FGF12: variants seen among roughly 807,000 people sequenced by gnomAD.
The protein encoded by FGF12 is fibroblast growth factor 12B.
Under a neutral mutation model 23.6 loss-of-function variants are expected in FGF12, and 14 were observed. The observed-to-expected ratio is 0.59, with a 90% CI of 0.39 to 0.93. The LOEUF (loss-of-function observed/expected upper bound fraction) is 0.93, where lower values mean the gene tolerates loss of function less well. Among genes scored for constraint, FGF12 ranks in the 40% least tolerant of loss-of-function variants. The pLI, the probability that FGF12 is intolerant of heterozygous loss-of-function variation, is 0.00. For synonymous variants in FGF12, 62 were observed against 77.3 expected (o/e 0.80, Z 1.04); for missense variants, 175 against 217.8 (o/e 0.80, Z 1.24).
chr3:192,430,164 T>C (rs1165842706), intron 2 of FGF12, among the ~76,000 whole-genome samples: 1 of 152,054 alleles, frequency 6.6e-6, no homozygotes, highest in African/African-American at 2.4e-5. Flanking sequence ...AAATGTGGTA[T>C]GTACCAACAA....
chr3:192,471,195 T>A (rs2108813674), intron 2 of FGF12, among the ~76,000 whole-genome samples: 1 of 152,302 alleles, frequency 6.6e-6, no homozygotes, highest in South Asian at 2.1e-4. Flanking sequence ...GTTGCAGACA[T>A]GTACTTCTTG....
chr3:192,408,251 A>G lies in FGF12; in HGVS notation c.14-47713T>C, dbSNP rs1322638975. 1 of 1,568,792 alleles carries G rather than the reference A, an allele frequency of 6.4e-7. No individual in the cohort carries two copies. The highest frequency in any genetic ancestry group is 8.6e-7 in the Non-Finnish European group (1 of 1,161,494). On this transcript the variant is annotated intron_variant, in intron 2 of 5. Coordinates refer to ENST00000445105, the MANE Select transcript of FGF12 (RefSeq NM_004113.6). This position sits in a 1 kb window ranked among gnomAD's most constrained non-coding sequence, Gnocchi z 7.3. ...CTGCTCAGCGAGGGCCTCAGGCCCCAGCCTCTACTGCGCCCTCCGGCTTGC... is the reference window on the plus strand; with the variant it reads ...CTGCTCAGCGAGGGCCTCAGGCCCCGGCCTCTACTGCGCCCTCCGGCTTGC...
At chr3:192,305,160 G>A (rs186638443) in intron 4 of FGF12, among the ~76,000 whole-genome samples, 1 of 152,180 alleles carries the variant, frequency 6.6e-6, no homozygotes, top group African/African-American at 2.4e-5. Flanking sequence ...TATCAAAGAT[G>A]TTTGACTACT....
At position 192,142,897 on chromosome 3, in the gene FGF12, AT is replaced by A. The variant is rs1442608289; in HGVS notation, c.*1111del. ...TTTCACAGTCATGTCTCCAAATTTCATGGCAGAGTTTAAAAAACAATATAAG... is the reference window on the plus strand; with the variant it reads ...TTTCACAGTCATGTCTCCAAATTTCAGGCAGAGTTTAAAAAACAATATAAG... On this transcript the variant is annotated 3_prime_UTR_variant, in exon 6 of 6. Coordinates refer to ENST00000445105, the MANE Select transcript of FGF12 (RefSeq NM_004113.6). The A allele has an allele frequency of 6.6e-6, 1 of 152,148 alleles. No individual in the cohort carries two copies. Among genetic ancestry groups the A allele is most frequent in the African/African-American group, 2.4e-5 (1 of 41,444 alleles). The allele number at this position is 152,148 out of a possible 1,614,324, so 9.4% of individuals were successfully genotyped here.
rs889443765 is a variant in FGF12, at chr3:192,310,870, C to T, written c.228+24491G>A. Among the ~76,000 whole-genome samples, 6 of 152,258 alleles carry T rather than the reference C, an allele frequency of 3.9e-5. 1 individual carries two copies. Among genetic ancestry groups the T allele is most frequent in the Admixed American group, 3.9e-4 (6 of 15,294 alleles). ...TCATTGTGTTTACAGTTGTAAGACA[C>T]AGCTTCACAACGAAAACATGGATTC... is the stretch of plus-strand genomic sequence containing the variant. On this transcript the variant is annotated intron_variant, in intron 4 of 5. Transcript: ENST00000445105.
At chr3:192,378,464 A>G (rs919919463) in intron 2 of FGF12, among the ~76,000 whole-genome samples, 1 of 152,092 alleles carries the variant, frequency 6.6e-6, no homozygotes, top group African/African-American at 2.4e-5. Context: ...AGACACAACT[A>G]CTTTTGTAAC....
intron 3 of FGF12, among the ~76,000 whole-genome samples, chr3:192,343,160 A>T (rs1365359563): frequency 6.6e-6 from 1 of 152,210 alleles, no homozygotes; most frequent in Non-Finnish European, 1.5e-5. Flanking sequence ...GTATTTAGAA[A>T]TTCTAGATCT....
intron 2 of FGF12, among the ~76,000 whole-genome samples, chr3:192,397,592 T>C (rs1258708021): frequency 1.3e-5 from 2 of 152,220 alleles, no homozygotes; most frequent in South Asian, 2.1e-4. Context: ...TCCATAGAAT[T>C]TGAGATCCTC....
intron 2 of FGF12, among the ~76,000 whole-genome samples, chr3:192,425,379 T>C (rs1482617183): frequency 6.6e-6 from 1 of 151,958 alleles, no homozygotes; most frequent in Non-Finnish European, 1.5e-5. Context: ...ACTGCCCACT[T>C]AAGGAAAAGT....
chr3:192,641,878 C>G (rs545349004), intron 2 of FGF12, among the ~76,000 whole-genome samples: 20 of 152,330 alleles, frequency 1.3e-4, no homozygotes, highest in African/African-American at 4.1e-4. Flanking sequence ...TGAGTAGTGG[C>G]AACAGAGACC....
At chr3:192,324,933 G>A (rs1301959700) in intron 4 of FGF12, among the ~76,000 whole-genome samples, 3 of 151,952 alleles carry the variant, frequency 2.0e-5, no homozygotes, top group Non-Finnish European at 4.4e-5. Flanking sequence ...TCCAATTAAG[G>A]TTAGCCCTGG....
At chr3:192,384,785 A>G (rs1719974329) in intron 2 of FGF12, among the ~76,000 whole-genome samples, 1 of 152,174 alleles carries the variant, frequency 6.6e-6, no homozygotes, top group African/African-American at 2.4e-5. Context: ...TGTTTGCATG[A>G]GTGACACATC....
intron 2 of FGF12, among the ~76,000 whole-genome samples, chr3:192,450,494 G>A (rs1425757516): frequency 6.6e-6 from 1 of 152,166 alleles, no homozygotes; most frequent in Non-Finnish European, 1.5e-5. Context: ...ACAGGATACT[G>A]AGTAGATTAA....
At chr3:192,319,594 C>CAAATAAATAAATAAATAAATAAAT (rs556846919) in intron 4 of FGF12, among the ~76,000 whole-genome samples, 1 of 151,350 alleles carries the variant, frequency 6.6e-6, no homozygotes, top group African/African-American at 2.4e-5. Context: ...AAGACTGTCT[C>CAAATAAATAAATAAATAAATAAAT]AAATAAATAA....
intron 2 of FGF12, among the ~76,000 whole-genome samples, chr3:192,442,855 T>A (rs1451595225): frequency 6.6e-6 from 1 of 151,350 alleles, no homozygotes; most frequent in Non-Finnish European, 1.5e-5. Context: ...TCACCCAGGA[T>A]GGAGTGCAGT....
intron 2 of FGF12, among the ~76,000 whole-genome samples, chr3:192,484,106 C>A (rs1302664513): frequency 6.6e-6 from 1 of 151,924 alleles, no homozygotes; most frequent in East Asian, 1.9e-4. Context: ...CACAGAGGCC[C>A]AGTTAAGTAG....
chr3:192,167,772 A>ATATTTTTT lies in FGF12; in HGVS notation c.427+2685_427+2686insAAAAAATA, dbSNP rs1715302128. Among the ~76,000 whole-genome samples, 3 of 15,404 alleles carry ATATTTTTT rather than the reference A, an allele frequency of 1.9e-4. 1 individual carries two copies. The highest frequency in any genetic ancestry group is 6.7e-4 in the African/African-American group (3 of 4,470). 10.1% of individuals were successfully genotyped at this position (15,404 alleles called of 152,430 possible). A position where few individuals can be genotyped will look rare whatever the true frequency, so the allele number is the denominator to read the frequency against. ...ATATATATATATATATATATATAAA[A>ATATTTTTT]TTTTTTTTTTTTTTTTTTTTTGAGA... On this transcript the variant is annotated intron_variant, in intron 5 of 5. Transcript: ENST00000445105.
At chr3:192,600,549 C>T (rs929346897) in intron 2 of FGF12, among the ~76,000 whole-genome samples, 3 of 151,982 alleles carry the variant, frequency 2.0e-5, no homozygotes, top group African/African-American at 7.2e-5. Flanking sequence ...ACTATTCATA[C>T]AACAGAAGAT....
At chr3:192,435,812 A>C (rs1304634292) in intron 2 of FGF12, among the ~76,000 whole-genome samples, 1 of 152,224 alleles carries the variant, frequency 6.6e-6, no homozygotes, top group Non-Finnish European at 1.5e-5. Flanking sequence ...TCGTTTTCCC[A>C]GTGCAGAGTA....
Sources: allele counts gnomAD v4.1 joint callset (sites outside exome capture counted in the v4.1 genomes callset), GRCh38; gene constraint gnomAD v4.1.1; non-coding constraint Gnocchi (gnomAD v3.1); transcripts MANE v1.5; gene names NCBI Gene and HGNC (gene_info 2026-07-23, HGNC 2026-07-21).